PCSK5: variants seen among roughly 807,000 people sequenced by gnomAD.
The protein encoded by PCSK5 is prohormone convertase 5.
Under a neutral mutation model 233.2 loss-of-function variants are expected in PCSK5, and 129 were observed. That is an observed-to-expected ratio of 0.55 (90% CI 0.48 to 0.64). The LOEUF (loss-of-function observed/expected upper bound fraction) is 0.64. Among genes scored for constraint, PCSK5 ranks in the 30% least tolerant of loss-of-function variants. The pLI, the probability that PCSK5 is intolerant of heterozygous loss-of-function variation, is 0.00. For synonymous variants in PCSK5, 825 were observed against 879.2 expected, an observed-to-expected ratio of 0.94 and a Z score of 1.09; for missense variants, 2,076 against 2,430.1, an observed-to-expected ratio of 0.85 and a Z score of 3.06.
At position 76,139,159 on chromosome 9, in the gene PCSK5, T is replaced by C. The variant is rs112866130; in HGVS notation, c.1312+4947T>C. Among the ~76,000 whole-genome samples, 271 of 152,274 alleles carry C rather than the reference T, an allele frequency of 1.8e-3. 2 individuals carry two copies. The highest frequency in any genetic ancestry group is 6.2e-3 in the African/African-American group (256 of 41,568). Reference sequence around the variant, plus strand: ...ATATATTTTTAATACCTACCTGTCTTGCTTTCAGTTTGTAACACTTATTAA... The same window carrying C: ...ATATATTTTTAATACCTACCTGTCTCGCTTTCAGTTTGTAACACTTATTAA... On this transcript the variant is annotated intron_variant, in intron 10 of 37. Coordinates refer to ENST00000674117, the MANE Select transcript of PCSK5 (RefSeq NM_001372043.1).
At chr9:76,284,585 T>G (rs943838187) in intron 24 of PCSK5, among the ~76,000 whole-genome samples, 5 of 143,226 alleles carry the variant, frequency 3.5e-5, no homozygotes, top group African/African-American at 5.2e-5. Flanking sequence ...CAGGCTGGAG[T>G]GCAATGGCGC....
intron 14 of PCSK5, chr9:76,175,418 A>G (rs146327512): frequency 1.5e-4 from 64 of 431,810 alleles, no homozygotes; most frequent in African/African-American, 1.1e-3. Flanking sequence ...CATATATTCA[A>G]ATATCCATAT....
intron 1 of PCSK5, among the ~76,000 whole-genome samples, chr9:75,903,632 GTATT>G (rs1170735751): frequency 3.6e-5 from 5 of 140,024 alleles, no homozygotes; most frequent in African/African-American, 1.1e-4. Flanking sequence ...TATAAAATAA[GTATT>G]TAAGGGATGA....
chr9:76,080,567 C>A (rs1830799325), intron 7 of PCSK5, among the ~76,000 whole-genome samples: 1 of 152,210 alleles, frequency 6.6e-6, no homozygotes, highest in Admixed American at 6.5e-5. Flanking sequence ...ATTATTTTTG[C>A]TTAATATTCT....
chr9:76,285,554 AG>A lies in PCSK5; in HGVS notation c.3143-6672del, dbSNP rs80283689. ...CAGATAGGTTTCAATAGCAAGTGGTAGGGGGGGAGTCTGGCTTGCATGGGGT... is the reference window on the plus strand; with the variant it reads ...CAGATAGGTTTCAATAGCAAGTGGTAGGGGGGAGTCTGGCTTGCATGGGGT... On this transcript the variant is annotated intron_variant, in intron 24 of 37. Transcript: ENST00000674117. Among the ~76,000 whole-genome samples the A allele has an allele frequency of 5.8e-4, 89 of 152,184 alleles. 1 individual carries two copies. Among genetic ancestry groups the A allele is most frequent in the African/African-American group, 9.4e-4 (39 of 41,546 alleles).
chr9:76,184,153 A>G (rs1172592538), intron 16 of PCSK5, among the ~76,000 whole-genome samples: 1 of 152,242 alleles, frequency 6.6e-6, no homozygotes, highest in African/African-American at 2.4e-5. Context: ...AAAATAAACA[A>G]TGTTAGAAAT....
chr9:76,177,400 AAAAAT>A lies in PCSK5; in HGVS notation c.1901-2191_1901-2187del, dbSNP rs370554421. Among the ~76,000 whole-genome samples, 213 of 152,332 alleles carry A rather than the reference AAAAAT, an allele frequency of 1.4e-3. 1 individual carries two copies. The highest frequency in any genetic ancestry group is 4.9e-3 in the African/African-American group (202 of 41,576). The stretch of plus-strand genomic sequence containing the variant: ...GTTCTGAGGTTTTCCTCTAAATACT[AAAAAT>A]AAAAGTACTTCATTAACCACCTGAA... On this transcript the variant is annotated intron_variant, in intron 14 of 37. Transcript: ENST00000674117.
At chr9:76,114,962 G>T (rs1268361656) in intron 9 of PCSK5, among the ~76,000 whole-genome samples, 3 of 152,060 alleles carry the variant, frequency 2.0e-5, no homozygotes, top group Admixed American at 2.0e-4. Context: ...TCAAGGTGAT[G>T]GGAATGGGGA....
chr9:76,338,506 T>A, intron 35 of PCSK5, 59 bp downstream of exon 35: 1 of 1,252,570 alleles, frequency 8.0e-7, no homozygotes, highest in Admixed American at 1.9e-5. Context: ...GTTTTCTTCC[T>A]TATTTGCCCC....
intron 24 of PCSK5, among the ~76,000 whole-genome samples, chr9:76,250,225 C>T (rs567338132): frequency 6.6e-6 from 1 of 152,272 alleles, no homozygotes; most frequent in Non-Finnish European, 1.5e-5. Context: ...TCACTTGAAC[C>T]TGGGAGGCAG....
chr9:76,251,686 A>G (rs1014587103), intron 24 of PCSK5, among the ~76,000 whole-genome samples: 1 of 152,014 alleles, frequency 6.6e-6, no homozygotes, highest in Non-Finnish European at 1.5e-5. Context: ...TTTATTGAAT[A>G]CTTACTAATG....
chr9:76,335,294 G>A (rs1479896074), intron 34 of PCSK5, among the ~76,000 whole-genome samples: 2 of 152,172 alleles, frequency 1.3e-5, no homozygotes, highest in African/African-American at 4.8e-5. Flanking sequence ...AGCGTGTAAA[G>A]TTCCCCAGGG....
intron 1 of PCSK5, among the ~76,000 whole-genome samples, chr9:75,925,444 G>A (rs895838012): frequency 6.6e-6 from 1 of 152,158 alleles, no homozygotes; most frequent in African/African-American, 2.4e-5. Context: ...GTTAATAGGA[G>A]GTGAGACTAA....
chr9:75,985,455 C>G, intron 2 of PCSK5, among the ~76,000 whole-genome samples: 1 of 151,864 alleles, frequency 6.6e-6, no homozygotes, highest in Non-Finnish European at 1.5e-5. Flanking sequence ...TTTGGTTTTT[C>G]TAATTCTCCA....
At chr9:76,014,947 G>A (rs1827885132) in intron 3 of PCSK5, among the ~76,000 whole-genome samples, 2 of 152,004 alleles carry the variant, frequency 1.3e-5, no homozygotes, top group South Asian at 4.2e-4. Flanking sequence ...ATATATATCT[G>A]GAGAAAGAGA....
chr9:75,918,612 G>C (rs1386339098), intron 1 of PCSK5, among the ~76,000 whole-genome samples: 1 of 152,084 alleles, frequency 6.6e-6, no homozygotes, highest in Non-Finnish European at 1.5e-5. Context: ...TCAGTTTACA[G>C]TAGTTCCAAA....
intron 14 of PCSK5, among the ~76,000 whole-genome samples, chr9:76,176,462 A>G (rs1395607969): frequency 1.3e-5 from 2 of 152,168 alleles, no homozygotes; most frequent in South Asian, 2.1e-4. Flanking sequence ...CATAGCAATT[A>G]TTGCCTTATT....
In PCSK5 at chr9:75,967,556, A is replaced by T. The variant is rs532287915; in HGVS notation, c.298-18576A>T. 5.3e-5 allele frequency among the ~76,000 whole-genome samples: 8 copies of T among 152,332 alleles called. No individual in the cohort carries two copies. The South Asian group carries it at 1.2e-3, about 24-fold the overall frequency. On this transcript the variant is annotated intron_variant, in intron 2 of 37. Transcript: ENST00000674117. ...CTTTCACAAACAGTCCTTGAGGATT[A>T]AGCTTGGGTGCCTATTTTCTGTGTT... is the stretch of plus-strand genomic sequence containing the variant.
chr9:76,193,455 CTCTT>C (rs1322834308), intron 20 of PCSK5: 38 of 852,088 alleles, frequency 4.5e-5, no homozygotes, highest in African/African-American at 1.7e-4. Flanking sequence ...AGCCACCTCT[CTCTT>C]TCTTTTCTTG....
Sources: gnomAD v4.1 joint callset for allele counts (sites outside exome capture counted in the v4.1 genomes callset) on GRCh38, gnomAD v4.1.1 for gene constraint, MANE v1.5 for transcripts, NCBI Gene and HGNC (gene_info 2026-07-23, HGNC 2026-07-21) for gene names.